The following LRRFIP1 variants were observed in gnomAD, a reference collection of about 807,000 sequenced individuals.
The protein encoded by LRRFIP1 is leucine-rich repeat flightless-interacting protein 1.
A neutral mutation model predicts 104.4 loss-of-function variants in LRRFIP1; 62 were observed. The ratio of observed to expected loss-of-function variants is 0.59; its 90% CI spans 0.48 to 0.73. The LOEUF is 0.73. LRRFIP1 is among the 30% of genes least tolerant of loss of function. The probability of loss-of-function intolerance (pLI) is 0.00; values close to 1 mark genes in which losing one functional copy is unlikely to be tolerated. For synonymous variants in LRRFIP1, 300 were observed against 299.0 expected, an observed-to-expected ratio of 1.00 and a Z score of -0.03; for missense variants, 796 against 824.5, an observed-to-expected ratio of 0.97 and a Z score of 0.42.
At chr2:237,761,664 T>C (rs1234250591) in intron 19 of LRRFIP1, among the ~76,000 whole-genome samples, 1 of 152,226 alleles carries the variant, frequency 6.6e-6, no homozygotes, top group Non-Finnish European at 1.5e-5. Flanking sequence ...AAAATGTACG[T>C]TATAAAATAT....
At chr2:237,654,489 G>A in intron 1 of LRRFIP1, among the ~76,000 whole-genome samples, 1 of 151,718 alleles carries the variant, frequency 6.6e-6, no homozygotes, top group Non-Finnish European at 1.5e-5. Flanking sequence ...ACTACTATAT[G>A]ATACAGTGAT....
chr2:237,707,924 CTG>C (rs1314267652), intron 1 of LRRFIP1, among the ~76,000 whole-genome samples: 1 of 152,188 alleles, frequency 6.6e-6, no homozygotes, highest in African/African-American at 2.4e-5. Flanking sequence ...CCCAGCACGG[CTG>C]TGTTTTAAGG....
At chr2:237,759,843 T>C (rs1275645308) in intron 18 of LRRFIP1, among the ~76,000 whole-genome samples, 2 of 152,100 alleles carry the variant, frequency 1.3e-5, no homozygotes, top group Non-Finnish European at 2.9e-5. Context: ...AAAGCATGGA[T>C]TGGAACATCT....
At chr2:237,749,718 A>G (rs11677307) in intron 13 of LRRFIP1, among the ~76,000 whole-genome samples, 19,023 of 152,108 alleles carry the variant, frequency 0.13, 1,552 homozygotes, top group African/African-American at 0.22. Flanking sequence ...ACCCCTCCCC[A>G]CTAAGTATGT....
At chr2:237,714,136 C>T in intron 2 of LRRFIP1, 123 bp from the exon 3 acceptor site, 1 of 604,834 alleles carries the variant, frequency 1.7e-6, no homozygotes. Flanking sequence ...TTCTTATTCA[C>T]ATTTTACTGT....
chr2:237,667,343 T>G lies in LRRFIP1; in HGVS notation c.96+39603T>G, dbSNP rs188537109. Among the ~76,000 whole-genome samples, 323 of 152,322 alleles carry G rather than the reference T, an allele frequency of 2.1e-3. 4 individuals carry two copies. In the East Asian group the frequency reaches 0.025, roughly 12 times the overall value. Reference sequence around the variant, plus strand: ...GTTCGTGTGTTAGTTTGCTGAGAATTGTGGCTTCCGGCTTCATCCATGTCC... The same window carrying G: ...GTTCGTGTGTTAGTTTGCTGAGAATGGTGGCTTCCGGCTTCATCCATGTCC... On this transcript the variant is annotated intron_variant, in intron 1 of 23. Coordinates refer to ENST00000308482, the MANE Select transcript of LRRFIP1 (RefSeq NM_001137550.2).
chr2:237,750,326 C>CTTTTTTTTTTT (rs928510240), intron 13 of LRRFIP1, among the ~76,000 whole-genome samples: 13 of 60,714 alleles, frequency 2.1e-4, no homozygotes, highest in East Asian at 1.0e-3. Context: ...TTCTTTCTTT[C>CTTTTTTTTTTT]TTTTTTTTTT....
chr2:237,697,833 C>T (rs1332556975), intron 1 of LRRFIP1, among the ~76,000 whole-genome samples: 2 of 148,030 alleles, frequency 1.4e-5, no homozygotes, highest in Non-Finnish European at 3.0e-5. Flanking sequence ...CTCAGTCCCG[C>T]ACGTCTCTGT....
At chr2:237,644,831 G>A (rs1036728780) in intron 1 of LRRFIP1, among the ~76,000 whole-genome samples, 2 of 152,232 alleles carry the variant, frequency 1.3e-5, no homozygotes, top group African/African-American at 2.4e-5. Context: ...GTAGCTCTTA[G>A]GTATCTTGTA....
At chr2:237,739,952 C>G (rs3769069) in intron 11 of LRRFIP1, among the ~76,000 whole-genome samples, 19,092 of 151,978 alleles carry the variant, frequency 0.13, 1,488 homozygotes, top group African/African-American at 0.21. Flanking sequence ...TGGACTGGGG[C>G]TTGTGGGAAT....
chr2:237,647,662 AG>A (rs1455265401), intron 1 of LRRFIP1, among the ~76,000 whole-genome samples: 1 of 151,404 alleles, frequency 6.6e-6, no homozygotes. Flanking sequence ...CACTGCACGC[AG>A]GGTGGAGGGA....
intron 1 of LRRFIP1, among the ~76,000 whole-genome samples, chr2:237,657,226 G>T (rs993745427): frequency 2.6e-5 from 4 of 152,160 alleles, no homozygotes; most frequent in Non-Finnish European, 5.9e-5. Context: ...GGAGCAAAAT[G>T]AAACAGAAAT....
intron 1 of LRRFIP1, among the ~76,000 whole-genome samples, chr2:237,662,928 C>G (rs1358782893): frequency 6.6e-6 from 1 of 152,186 alleles, no homozygotes; most frequent in African/African-American, 2.4e-5. Flanking sequence ...CCAGTGATTA[C>G]TACCTCTTCC....
chr2:237,637,994 C>A (rs1302341958), intron 1 of LRRFIP1, among the ~76,000 whole-genome samples: 1 of 152,172 alleles, frequency 6.6e-6, no homozygotes, highest in African/African-American at 2.4e-5. Context: ...ACAGCAGCCC[C>A]CAATCTTTTT....
intron 1 of LRRFIP1, among the ~76,000 whole-genome samples, chr2:237,682,216 G>C (rs2091919194): frequency 6.6e-6 from 1 of 152,194 alleles, no homozygotes; most frequent in Non-Finnish European, 1.5e-5. Context: ...ATCTGTGTAT[G>C]GTCAAATAGC....
In LRRFIP1 at chr2:237,714,268, G is replaced by A. The variant is rs188114432; in HGVS notation, c.193G>A (p.Val65Ile). The change falls in exon 3 of 24, where the codon GTC (valine) becomes ATC (isoleucine). Residue 65 changes from valine (V) to isoleucine (I), a missense_variant. By Grantham distance (29) the Val-to-Ile change is conservative. Coordinates refer to ENST00000308482, the MANE Select transcript of LRRFIP1 (RefSeq NM_001137550.2). ...LERQQKEIYQ[V>I]QKKYYGLDTK... The stretch of plus-strand genomic sequence containing the variant: ...CTGTCCTTCTCTATAGATCTATCAG[G>A]TCCAAAAGGTAGGCTCTTCTTTCTT... The A allele has an allele frequency of 1.1e-4, 181 of 1,599,244 alleles. 1 individual carries two copies. In the African/African-American group the frequency reaches 2.1e-3, roughly 18 times the overall value.
At chr2:237,630,485 G>T (rs750309595) in intron 1 of LRRFIP1, among the ~76,000 whole-genome samples, 1 of 152,184 alleles carries the variant, frequency 6.6e-6, no homozygotes, top group African/African-American at 2.4e-5. Context: ...AATGCTAACC[G>T]AAGACAGGAA....
chr2:237,758,796 T>C lies in LRRFIP1; in HGVS notation c.1292T>C (p.Val431Ala), dbSNP rs1342796067. The change falls in exon 18 of 24, where the codon GTA (valine) becomes GCA (alanine). Residue 431 changes from valine to alanine, a missense_variant. By Grantham distance (64) the Val-to-Ala change is moderately conservative. Coordinates refer to ENST00000308482, the MANE Select transcript of LRRFIP1 (RefSeq NM_001137550.2). ...RSERDDLREE[V>A]VMLKEELKKH... ...GAACGGGATGATCTTAGAGAAGAAG[T>C]AGTCATGCTGAAAGAGGAATTAAAG... 22 of 1,612,606 alleles carry C rather than the reference T, an allele frequency of 1.4e-5. No individual in the cohort carries two copies. In the Admixed American group the frequency reaches 3.7e-4, roughly 27 times the overall value.
intron 10 of LRRFIP1, among the ~76,000 whole-genome samples, chr2:237,736,636 T>C (rs1425608718): frequency 6.6e-6 from 1 of 152,158 alleles, no homozygotes; most frequent in Non-Finnish European, 1.5e-5. Flanking sequence ...TCCTTGGCCT[T>C]CATTGCTCTT....
Sources: gnomAD v4.1 joint callset for allele counts (sites outside exome capture counted in the v4.1 genomes callset) on GRCh38, gnomAD v4.1.1 for gene constraint, MANE v1.5 for transcripts, NCBI Gene and HGNC (gene_info 2026-07-23, HGNC 2026-07-21) for gene names.